Variants in NBPF12 observed in about 807,000 individuals in gnomAD.
The protein encoded by NBPF12 is NBPF family member NBPF12.
NBPF12 carries 115 observed loss-of-function variants against 146.4 expected under a neutral mutation model. That is an observed-to-expected ratio of 0.79 (90% CI 0.68 to 0.92). NBPF12 has a LOEUF of 0.92. Ranked by LOEUF, NBPF12 falls within the 40% of genes least tolerant of loss-of-function variation. NBPF12 has a pLI of 0.00. For synonymous variants in NBPF12, 385 were observed against 508.9 expected, an observed-to-expected ratio of 0.76 and a Z score of 3.28; for missense variants, 1,205 against 1,326.8, an observed-to-expected ratio of 0.91 and a Z score of 1.43.
upstream of NBPF12, among the ~76,000 whole-genome samples, chr1:146,948,740 G>A (rs1655184646): frequency 6.6e-6 from 1 of 151,770 alleles, no homozygotes; most frequent in South Asian, 2.1e-4. Flanking sequence ...TAAAGGGTCT[G>A]TGCTGAGGAG....
exon 7 of NBPF12, chr1:146,964,413 G>C (rs1656059172): frequency 6.9e-6 from 11 of 1,591,478 alleles, no homozygotes; most frequent in Non-Finnish European, 9.5e-6. Flanking sequence ...GAAAGTACTG[G>C]AATCATCTGC....
chr1:146,973,378 T>A, intron 14 of NBPF12, among the ~76,000 whole-genome samples: 1 of 151,822 alleles, frequency 6.6e-6, no homozygotes, highest in South Asian at 2.1e-4. Context: ...TACGCAAAGC[T>A]CTGTTCTAGT....
intron 25 of NBPF12, among the ~76,000 whole-genome samples, 197 bp from the exon 29 acceptor site, chr1:146,987,757 G>GTGTGTC (rs1553888844): frequency 1.3e-5 from 2 of 151,298 alleles, no homozygotes; most frequent in South Asian, 2.1e-4. Context: ...GTGTGTGTGT[G>GTGTGTC]TGTCTGTCTT....
In NBPF12 at chr1:146,962,400, A is replaced by C. The variant is rs1655909375; in HGVS notation, c.278+137A>C. 4.2e-6 allele frequency: 3 copies of C among 711,398 alleles called. No individual in the cohort carries two copies. In the African/African-American group the frequency reaches 5.3e-5, roughly 13 times the overall value. 44.1% of individuals were successfully genotyped at this position (711,398 alleles called of 1,614,324 possible). On this transcript the variant is annotated intron_variant, in intron 5 of 33. Transcript: ENST00000617844. ...TGCCATGGCAGGCTCATGACACACA[A>C]ATATTTATCAGAGAACAAGGATAAT...
intron 15 of NBPF12, among the ~76,000 whole-genome samples, chr1:146,975,316 T>G (rs1656916255): frequency 7.6e-6 from 1 of 132,294 alleles, no homozygotes; most frequent in Non-Finnish European, 1.6e-5. Flanking sequence ...GTACATGGCT[T>G]TGTATCTAAT....
exon 16 of NBPF12, chr1:146,975,823 A>C: frequency 6.2e-7 from 1 of 1,609,020 alleles, no homozygotes; most frequent in Non-Finnish European, 8.5e-7. Context: ...TCCCAGGGGC[A>C]GGACCTCCAA....
chr1:146,990,592 G>A lies in NBPF12; in HGVS notation c.3623+75G>A, dbSNP rs1180839457. ...TGCCAGGTCCAGGGAAAAGAAGAGT[G>A]TGTTCAATTTCATGTTTTCCACGAA... is the stretch of plus-strand genomic sequence containing the variant. On this transcript the variant is annotated intron_variant, in intron 29 of 33. Coordinates refer to ENST00000617844, the Ensembl canonical transcript of NBPF12. 3.1e-6 allele frequency: 2 copies of A among 635,762 alleles called. 1 individual carries two copies. Among genetic ancestry groups the A allele is most frequent in the Admixed American group, 5.8e-5 (2 of 34,716 alleles). 39.4% of individuals were successfully genotyped at this position (635,762 alleles called of 1,614,324 possible). A position where few individuals can be genotyped will look rare whatever the true frequency, so the allele number is the denominator to read the frequency against.
chr1:146,992,462 C>CTCTCTGTGTG (rs1450490306), intron 31 of NBPF12, among the ~76,000 whole-genome samples: 10 of 66,270 alleles, frequency 1.5e-4, no homozygotes, highest in East Asian at 6.3e-4. Context: ...CTCTCTCTCT[C>CTCTCTGTGTG]TGTGTGTGTG....
intron 12 of NBPF12, 92 bp from the exon 16 acceptor site, chr1:146,971,091 T>G: frequency 6.3e-7 from 1 of 1,596,318 alleles, no homozygotes; most frequent in South Asian, 1.1e-5. Flanking sequence ...ACCACTCTCT[T>G]AATGCCGCTT....
rs2101870130 is a variant in NBPF12, at chr1:146,969,519, C to G, written c.1229C>G (p.Ser410Cys). 3.8e-6 allele frequency: 5 copies of G among 1,303,884 alleles called. No homozygotes were observed. The East Asian group carries it at 1.2e-4, about 31-fold the overall frequency. The allele number at this position is 1,303,884 out of a possible 1,614,324, so 80.8% of individuals were successfully genotyped here. ...CTCACTCCGGATGAGCCGGACAAGT[C>G]CCAGGGGCAGGACCTCCAAGAACAG... Residue 410 changes from serine (S) to cysteine (C), a missense_variant, in exon 11 of 34, where the codon TCC becomes TGC. Ser to Cys is a moderately radical substitution (Grantham distance 112). Coordinates refer to ENST00000617844, the Ensembl canonical transcript of NBPF12.
At chr1:146,949,029 C>T (rs1655203749), upstream of NBPF12, among the ~76,000 whole-genome samples, 8 of 151,914 alleles carry the variant, frequency 5.3e-5, no homozygotes. Context: ...CACGTGTTTA[C>T]CTGCTGATCT....
intron 8 of NBPF12, among the ~76,000 whole-genome samples, chr1:146,965,549 G>A (rs1303066134): frequency 6.7e-6 from 1 of 150,266 alleles, no homozygotes; most frequent in Non-Finnish European, 1.5e-5. Context: ...TTGGGAGGCC[G>A]AGGCGGGTGG....
Position 146,962,909 on chromosome 1 carries a change from G to T in NBPF12, c.279-186G>T, listed in dbSNP as rs1266606712. The stretch of plus-strand genomic sequence containing the variant: ...CGAGGATCTTGCAGGAGCCCTCTCT[G>T]ATAGAGGGAAAGCCTGTAGACCATT... On this transcript the variant is annotated intron_variant, in intron 5 of 33. Coordinates refer to ENST00000617844, the Ensembl canonical transcript of NBPF12. Among the ~76,000 whole-genome samples, 27 of 151,376 alleles carry T rather than the reference G, an allele frequency of 1.8e-4. No individual in the cohort carries two copies. The South Asian group carries it at 3.8e-3, about 21-fold the overall frequency.
At chr1:146,972,138 T>C (rs1159802735) in intron 13 of NBPF12, among the ~76,000 whole-genome samples, 7 of 149,980 alleles carry the variant, frequency 4.7e-5, no homozygotes, top group Admixed American at 2.0e-4. Flanking sequence ...GCTCACATCT[T>C]AATCCCAGCA....
chr1:146,969,748 G>T (rs1553886118), intron 11 of NBPF12, among the ~76,000 whole-genome samples, 152 bp downstream of exon 14: 1 of 150,218 alleles, frequency 6.7e-6, no homozygotes, highest in African/African-American at 2.5e-5. Context: ...GGGTAAGAAC[G>T]GAGATGGGAA....
chr1:146,949,948 A>G (rs1655254894), intron 1 of NBPF12, among the ~76,000 whole-genome samples: 1 of 152,028 alleles, frequency 6.6e-6, no homozygotes, highest in South Asian at 2.1e-4. Flanking sequence ...TCATGTGTGG[A>G]GTGATGTGAT....
At chr1:146,961,118 C>T (rs1464040593) in intron 4 of NBPF12, among the ~76,000 whole-genome samples, 31 of 152,150 alleles carry the variant, frequency 2.0e-4, no homozygotes, top group African/African-American at 7.0e-4. Flanking sequence ...TGCACTCCAG[C>T]ATGGGTGACA....
chr1:146,944,781 G>T (rs1230623140), upstream of NBPF12, among the ~76,000 whole-genome samples: 1 of 151,424 alleles, frequency 6.6e-6, no homozygotes, highest in African/African-American at 2.4e-5. Context: ...ATGTAAATTT[G>T]TTCATTTCCT....
At chr1:146,980,116 A>G (rs1341507891) in intron 19 of NBPF12, among the ~76,000 whole-genome samples, 1 of 151,562 alleles carries the variant, frequency 6.6e-6, no homozygotes, top group Non-Finnish European at 1.5e-5. Flanking sequence ...AGTCTGTTTT[A>G]TCAGAGACTA....
Sources: allele counts gnomAD v4.1 joint callset (sites outside exome capture counted in the v4.1 genomes callset), GRCh38; gene constraint gnomAD v4.1.1; transcripts MANE v1.5; gene names NCBI Gene and HGNC (gene_info 2026-07-23, HGNC 2026-07-21).